PRKCE: variants seen among roughly 807,000 people sequenced by gnomAD.
PRKCE encodes protein kinase C epsilon type.
Under a neutral mutation model 85.4 loss-of-function variants are expected in PRKCE, and 16 were observed. The observed-to-expected ratio is 0.19, with a 90% CI of 0.13 to 0.28. The LOEUF (loss-of-function observed/expected upper bound fraction) is 0.28. Ranked by LOEUF, PRKCE falls within the 10% of genes least tolerant of loss-of-function variation. PRKCE has a pLI of 1.00. For synonymous variants in PRKCE, 388 were observed against 371.5 expected (o/e 1.04, Z -0.51); for missense variants, 573 against 975.2 (o/e 0.59, Z 5.49).
chr2:46,035,662 A>G (rs746644981), intron 10 of PRKCE, among the ~76,000 whole-genome samples: 7 of 152,260 alleles, frequency 4.6e-5, no homozygotes, highest in African/African-American at 7.2e-5. Context: ...GTGCGTGTGT[A>G]TATAGTAGAT....
chr2:45,977,320 C>G (rs183772141), intron 3 of PRKCE, among the ~76,000 whole-genome samples: 1 of 152,118 alleles, frequency 6.6e-6, no homozygotes, highest in Admixed American at 6.6e-5. Context: ...TTATCTGATG[C>G]CTAGGATTTG....
chr2:45,948,687 G>A (rs1231502388), intron 2 of PRKCE, among the ~76,000 whole-genome samples: 1 of 152,078 alleles, frequency 6.6e-6, no homozygotes, highest in African/African-American at 2.4e-5. Context: ...TAAAACATCA[G>A]AGTCAGTTCA....
intron 2 of PRKCE, among the ~76,000 whole-genome samples, chr2:45,954,514 T>C (rs939105678): frequency 1.3e-5 from 2 of 152,170 alleles, no homozygotes; most frequent in African/African-American, 2.4e-5. Context: ...AAAAGACTAA[T>C]TAAATTGGCC....
chr2:45,801,406 G>T (rs755416855), intron 1 of PRKCE, among the ~76,000 whole-genome samples: 20 of 152,146 alleles, frequency 1.3e-4, no homozygotes, highest in Non-Finnish European at 2.8e-4. Flanking sequence ...TCAGGCCAAG[G>T]GTTGCAAAAA....
chr2:46,051,053 C>T (rs374077400), intron 10 of PRKCE, among the ~76,000 whole-genome samples: 5 of 152,176 alleles, frequency 3.3e-5, no homozygotes, highest in African/African-American at 7.2e-5. Context: ...ATATGTGCAT[C>T]GTGTCAGGTG....
intron 10 of PRKCE, among the ~76,000 whole-genome samples, chr2:46,012,386 A>C (rs1282129273): frequency 6.6e-6 from 1 of 150,696 alleles, no homozygotes; most frequent in African/African-American, 2.4e-5. Context: ...GCTCATAGGC[A>C]CTCCATCTTG....
intron 10 of PRKCE, 82 bp downstream of exon 10, chr2:46,010,599 T>C: frequency 6.3e-7 from 1 of 1,599,032 alleles, no homozygotes. Context: ...ACCCTCTACA[T>C]TGTTCTCTCA....
At chr2:45,968,914 C>T (rs866332002) in intron 2 of PRKCE, among the ~76,000 whole-genome samples, 5 of 151,906 alleles carry the variant, frequency 3.3e-5, no homozygotes, top group African/African-American at 1.2e-4. Context: ...ACTGAGAAGT[C>T]TCACCCCCAA....
chr2:45,696,034 C>T (rs1678120780), intron 1 of PRKCE, among the ~76,000 whole-genome samples: 1 of 151,690 alleles, frequency 6.6e-6, no homozygotes, highest in Admixed American at 6.6e-5. Context: ...TGGTGTACTG[C>T]ACCCATTAAC....
chr2:45,887,155 G>T (rs1046030655), intron 2 of PRKCE, among the ~76,000 whole-genome samples: 1 of 152,164 alleles, frequency 6.6e-6, no homozygotes, highest in Non-Finnish European at 1.5e-5. Context: ...TGCTTGATAG[G>T]CAGGGCCTCC....
intron 2 of PRKCE, among the ~76,000 whole-genome samples, chr2:45,974,239 G>A (rs1702289185): frequency 6.6e-6 from 1 of 152,226 alleles, no homozygotes; most frequent in East Asian, 1.9e-4. Context: ...AATGGTGATT[G>A]CCATACTTCT....
chr2:45,872,791 A>C (rs1694193539), intron 2 of PRKCE, among the ~76,000 whole-genome samples: 1 of 152,224 alleles, frequency 6.6e-6, no homozygotes, highest in South Asian at 2.1e-4. Context: ...TTCAAATTTG[A>C]GATGTCTAGG....
intron 10 of PRKCE, among the ~76,000 whole-genome samples, chr2:46,085,743 T>TG (rs1669558865): frequency 7.7e-5 from 2 of 26,098 alleles, no homozygotes; most frequent in Non-Finnish European, 1.1e-4. Context: ...TCCGTTTTTT[T>TG]TTTTTGTTTT....
intron 1 of PRKCE, among the ~76,000 whole-genome samples, chr2:45,776,872 T>G (rs1474159650): frequency 6.6e-6 from 1 of 152,224 alleles, no homozygotes; most frequent in Non-Finnish European, 1.5e-5. Context: ...CCACAGACCA[T>G]TCTTCCTTCT....
At chr2:45,741,405 G>A (rs906533147) in intron 1 of PRKCE, among the ~76,000 whole-genome samples, 24 of 152,212 alleles carry the variant, frequency 1.6e-4, no homozygotes, top group African/African-American at 4.8e-4. Context: ...GTTGTAGGCA[G>A]TAAGACAGGG....
intron 10 of PRKCE, among the ~76,000 whole-genome samples, chr2:46,052,717 C>T (rs762251905): frequency 6.6e-6 from 1 of 152,176 alleles, no homozygotes; most frequent in Non-Finnish European, 1.5e-5. Flanking sequence ...TGAAAAAGAA[C>T]ACAGTTGGAG....
At chr2:45,944,576 C>T (rs972854403) in intron 2 of PRKCE, among the ~76,000 whole-genome samples, 1 of 152,018 alleles carries the variant, frequency 6.6e-6, no homozygotes, top group Non-Finnish European at 1.5e-5. Flanking sequence ...GCAACCGCAG[C>T]CTCCCAGGCT....
chr2:46,030,868 A>G (rs1181995102), intron 10 of PRKCE, among the ~76,000 whole-genome samples: 1 of 152,046 alleles, frequency 6.6e-6, no homozygotes, highest in East Asian at 1.9e-4. Flanking sequence ...TCCACGGAAT[A>G]TTTCTTCTCC....
chr2:45,955,224 G>A (rs1272958524), intron 2 of PRKCE, among the ~76,000 whole-genome samples: 3 of 152,170 alleles, frequency 2.0e-5, no homozygotes, highest in African/African-American at 7.2e-5. Flanking sequence ...TTTCATGGAG[G>A]AATTAGATCT....
Sources: gnomAD v4.1 joint callset for allele counts (sites outside exome capture counted in the v4.1 genomes callset) on GRCh38, gnomAD v4.1.1 for gene constraint, MANE v1.5 for transcripts, NCBI Gene and HGNC (gene_info 2026-07-23, HGNC 2026-07-21) for gene names.